The following BRF1 variants were observed in gnomAD, a reference collection of about 807,000 sequenced individuals.
BRF1 encodes transcription factor IIIB 90 kDa subunit.
BRF1 carries 59 observed loss-of-function variants against 81.7 expected under a neutral mutation model. The ratio of observed to expected loss-of-function variants is 0.72; its 90% confidence interval spans 0.59 to 0.90. The LOEUF (loss-of-function observed/expected upper bound fraction) is 0.90, where lower values mean the gene tolerates loss of function less well. Ranked by LOEUF, BRF1 falls within the 40% of genes least tolerant of loss-of-function variation. BRF1 has a pLI of 0.00. For synonymous variants in BRF1, 491 were observed against 395.6 expected (o/e 1.24, Z -2.86); for missense variants, 1,050 against 936.3 (o/e 1.12, Z -1.58).
At chr14:105,283,122 G>C (rs1028025763) in intron 2 of BRF1, among the ~76,000 whole-genome samples, 2 of 152,210 alleles carry the variant, frequency 1.3e-5, no homozygotes, top group Non-Finnish European at 2.9e-5. Context: ...ACAGCAAGGA[G>C]GTACGGCGGG....
chr14:105,217,260 C>T (rs1045248835), intron 15 of BRF1: 7 of 545,818 alleles, frequency 1.3e-5, no homozygotes, highest in Non-Finnish European at 2.0e-5. Flanking sequence ...ACCGACCCCA[C>T]GGATTGTCCC....
rs377440323 is a variant in BRF1 at position 105,219,139 on chromosome 14, G to T, written c.1459+12C>A. The T allele has an allele frequency of 1.0e-4, 169 of 1,612,516 alleles. 2 individuals carry two copies. In the African/African-American group the frequency reaches 1.6e-3, roughly 15 times the overall value. On this transcript the variant is annotated intron_variant, in intron 13 of 17. Coordinates refer to ENST00000547530, the MANE Select transcript of BRF1 (RefSeq NM_001519.4). ...TGCGTCCTGCGTGTGAGTGTGGGCGGGTGGCGCTTACCCCTCTGTTCCCGC... is the reference window on the plus strand; with the variant it reads ...TGCGTCCTGCGTGTGAGTGTGGGCGTGTGGCGCTTACCCCTCTGTTCCCGC...
chr14:105,248,095 G>A (rs1008589377), intron 5 of BRF1: 1 of 985,470 alleles, frequency 1.0e-6, no homozygotes, highest in Middle Eastern at 5.2e-4. Context: ...CTATTTCCTC[G>A]AGGAAAATGC....
At chr14:105,292,266 C>G (rs111440309) in intron 1 of BRF1, among the ~76,000 whole-genome samples, 2 of 152,310 alleles carry the variant, frequency 1.3e-5, no homozygotes, top group African/African-American at 4.8e-5. Context: ...TCACTGCAAC[C>G]TCCACCTCCC....
chr14:105,309,253 G>A lies in BRF1; in HGVS notation c.-162+6069C>T, dbSNP rs981791593. On this transcript the variant is annotated intron_variant, in intron 1 of 17. Transcript: ENST00000327359. This position sits in a 1 kb window ranked among gnomAD's most constrained non-coding sequence, Gnocchi z 4.0. The stretch of plus-strand genomic sequence containing the variant: ...TGCATCAAGGTCCCTCTTAATCTTG[G>A]GGCTCAGGATAACCACAGTCAAGAG... Among the ~76,000 whole-genome samples, 3 of 152,112 alleles carry A rather than the reference G, an allele frequency of 2.0e-5. No homozygotes were observed. Among genetic ancestry groups the A allele is most frequent in the African/African-American group, 7.2e-5 (3 of 41,414 alleles).
chr14:105,246,404 C>A (rs587633373), intron 5 of BRF1, among the ~76,000 whole-genome samples: 2 of 151,528 alleles, frequency 1.3e-5, no homozygotes, highest in African/African-American at 2.4e-5. Context: ...AGGCTGGGCG[C>A]GGTGGCTCAC....
intron 5 of BRF1, chr14:105,241,787 C>A (rs942957448): frequency 7.7e-6 from 2 of 260,710 alleles, no homozygotes; most frequent in Non-Finnish European, 1.5e-5. Flanking sequence ...GCAAGACAGG[C>A]GTGGGCTGGG....
chr14:105,248,599 C>G (rs2055323283), intron 5 of BRF1: 2 of 962,172 alleles, frequency 2.1e-6, no homozygotes, highest in African/African-American at 1.9e-5. Context: ...GACGGCGCCC[C>G]CCGCGGCCGG....
At chr14:105,304,739 A>C (rs1240388131), upstream of BRF1, among the ~76,000 whole-genome samples, 1 of 152,266 alleles carries the variant, frequency 6.6e-6, no homozygotes, top group African/African-American at 2.4e-5. Flanking sequence ...AGGCCTCACA[A>C]TCATGGAGGA....
chr14:105,267,137 A>G (rs905673965), intron 3 of BRF1, among the ~76,000 whole-genome samples: 2 of 152,218 alleles, frequency 1.3e-5, no homozygotes, highest in African/African-American at 4.8e-5. Context: ...TCAAACAGTA[A>G]GATCGACAAT....
chr14:105,219,661 T>C, intron 12 of BRF1: 3 of 393,674 alleles, frequency 7.6e-6, no homozygotes, highest in Middle Eastern at 7.0e-4. Context: ...GCAAGTATAT[T>C]GAGATAAACT....
At chr14:105,306,230 A>C (rs587763461) in intron 1 of BRF1, among the ~76,000 whole-genome samples, 1 of 152,280 alleles carries the variant, frequency 6.6e-6, no homozygotes, top group South Asian at 2.1e-4. Flanking sequence ...ACGCCTAGGC[A>C]CCTGCAAACT....
At chr14:105,268,748 G>A (rs1312506135) in intron 3 of BRF1, among the ~76,000 whole-genome samples, 2 of 152,226 alleles carry the variant, frequency 1.3e-5, no homozygotes, top group Admixed American at 1.3e-4. Flanking sequence ...TAAGCTCACT[G>A]CACAGGACCC....
At chr14:105,294,088 C>T (rs1290066199) in intron 1 of BRF1, among the ~76,000 whole-genome samples, 1 of 152,146 alleles carries the variant, frequency 6.6e-6, no homozygotes, top group African/African-American at 2.4e-5. Context: ...AGGAAGGATG[C>T]CAAGTGGGCA....
intron 15 of BRF1, among the ~76,000 whole-genome samples, chr14:105,214,445 C>T (rs1335380399): frequency 2.0e-5 from 3 of 151,538 alleles, no homozygotes; most frequent in African/African-American, 7.3e-5. Context: ...CATGGCCCAC[C>T]CCTGCGTGGC....
At chr14:105,258,562 C>T (rs1485387204) in intron 3 of BRF1, among the ~76,000 whole-genome samples, 1 of 150,042 alleles carries the variant, frequency 6.7e-6, no homozygotes, top group Non-Finnish European at 1.5e-5. Flanking sequence ...CTTTGGGAGG[C>T]CGAGGTGGGA....
intron 5 of BRF1, chr14:105,246,817 T>C: frequency 3.0e-6 from 3 of 985,262 alleles, no homozygotes; most frequent in Non-Finnish European, 3.6e-6. Context: ...AGGATGAAAA[T>C]TATTATTCAC....
intron 10 of BRF1, among the ~76,000 whole-genome samples, chr14:105,223,024 T>C (rs1892538525): frequency 6.6e-6 from 1 of 152,066 alleles, no homozygotes; most frequent in South Asian, 2.1e-4. Flanking sequence ...AGATCCTGTC[T>C]CTATGAAGAA....
chr14:105,244,840 CCA>C (rs2054971893), intron 5 of BRF1, among the ~76,000 whole-genome samples: 1 of 151,986 alleles, frequency 6.6e-6, no homozygotes, highest in South Asian at 2.1e-4. Flanking sequence ...TCATGCTTCT[CCA>C]GTGTCTGTGG....
Sources: gnomAD v4.1 joint callset for allele counts (sites outside exome capture counted in the v4.1 genomes callset) on GRCh38, gnomAD v4.1.1 for gene constraint, Gnocchi (gnomAD v3.1) non-coding constraint, MANE v1.5 for transcripts, NCBI Gene and HGNC (gene_info 2026-07-23, HGNC 2026-07-21) for gene names.